Variants in CFAP61 observed in about 807,000 individuals in gnomAD.
CFAP61 encodes the protein cilia- and flagella-associated protein 61.
CFAP61 carries 107 observed loss-of-function variants against 135.6 expected under a neutral mutation model. That is an observed-to-expected ratio of 0.79 (90% CI 0.67 to 0.93). CFAP61 has a LOEUF of 0.93. CFAP61 is among the 40% of genes least tolerant of loss of function. The pLI, the probability that CFAP61 is intolerant of heterozygous loss-of-function variation, is 0.00. For missense variants in CFAP61, 1,507 were observed against 1,556.2 expected, an observed-to-expected ratio of 0.97 and a Z score of 0.53; for synonymous variants, 575 against 578.5, an observed-to-expected ratio of 0.99 and a Z score of 0.09.
At chr20:20,309,936 A>G (rs2056722832) in intron 25 of CFAP61, among the ~76,000 whole-genome samples, 1 of 152,206 alleles carries the variant, frequency 6.6e-6, no homozygotes, top group African/African-American at 2.4e-5. Flanking sequence ...CATGGCCTCA[A>G]CACACCATAA....
At chr20:20,143,067 A>G (rs2051550897) in intron 9 of CFAP61, 119 bp downstream of exon 9, 3 of 626,774 alleles carry the variant, frequency 4.8e-6, no homozygotes, top group African/African-American at 1.9e-5. Context: ...CCTGATGCAG[A>G]AAAGGCCTCA....
intron 25 of CFAP61, among the ~76,000 whole-genome samples, chr20:20,310,081 A>C (rs1415354342): frequency 3.3e-5 from 5 of 151,590 alleles, no homozygotes; most frequent in Non-Finnish European, 7.4e-5. Context: ...TGCAACCTCC[A>C]CCTCCCTGGT....
In CFAP61 at chr20:20,074,271, C is replaced by G. The variant is rs750107222; in HGVS notation, c.295-31C>G. ...TGACCTAGCCCGAATACTGACTCAG[C>G]CTTTAATCCGTGTTCTCTCTTCTTC... On this transcript the variant is annotated intron_variant, in intron 3 of 26. Coordinates refer to ENST00000245957, the MANE Select transcript of CFAP61 (RefSeq NM_015585.4). 2.3e-5 allele frequency: 36 copies of G among 1,597,998 alleles called. No individual in the cohort carries two copies. In the South Asian group the frequency reaches 4.0e-4, roughly 18 times the overall value.
intron 8 of CFAP61, among the ~76,000 whole-genome samples, chr20:20,111,852 A>G (rs909029665): frequency 1.3e-5 from 2 of 152,152 alleles, no homozygotes; most frequent in African/African-American, 2.4e-5. Context: ...ATTTAGTCCA[A>G]TGTAATTAAT....
At chr20:20,137,129 G>C (rs1202369915) in intron 8 of CFAP61, among the ~76,000 whole-genome samples, 1 of 152,138 alleles carries the variant, frequency 6.6e-6, no homozygotes, top group Non-Finnish European at 1.5e-5. Context: ...TCTCTGTGTT[G>C]AGCCACCTGA....
chr20:20,248,950 C>T lies in CFAP61; in HGVS notation c.2160-2645C>T, dbSNP rs190809374. On this transcript the variant is annotated intron_variant, in intron 19 of 26. Transcript: ENST00000245957. Reference sequence around the variant, plus strand: ...AGAACTTTCTATGAAGACAGTCTTTCACATTAGTTTTGAGTCACGGTCAAG... The same window carrying T: ...AGAACTTTCTATGAAGACAGTCTTTTACATTAGTTTTGAGTCACGGTCAAG... Among the ~76,000 whole-genome samples the T allele has an allele frequency of 1.9e-3, 292 of 152,266 alleles. 2 individuals are homozygous for T. Among genetic ancestry groups the T allele is most frequent in the African/African-American group, 6.9e-3 (286 of 41,558 alleles).
intron 8 of CFAP61, among the ~76,000 whole-genome samples, chr20:20,117,365 AAAATAAAT>A (rs61453815): frequency 2.6e-5 from 4 of 151,340 alleles, no homozygotes; most frequent in African/African-American, 4.9e-5. Flanking sequence ...TAATAAGTTA[AAAATAAAT>A]AAATAAATAA....
chr20:20,307,609 A>G (rs2056554456), intron 25 of CFAP61, among the ~76,000 whole-genome samples: 1 of 152,248 alleles, frequency 6.6e-6, no homozygotes, highest in East Asian at 1.9e-4. Flanking sequence ...AATAATTTAA[A>G]TGAGCAGATG....
chr20:20,304,271 A>ACT lies in CFAP61; in HGVS notation c.3422+5886_3422+5887dup, dbSNP rs1341519988. On this transcript the variant is annotated intron_variant, in intron 25 of 26. Transcript: ENST00000245957. Reference sequence around the variant, plus strand: ...AGACAGAACTAATCCACCATCGGTGACTGTGTGTGTGTGTGTGTGTGTGTG... The same window carrying ACT: ...AGACAGAACTAATCCACCATCGGTGACTCTGTGTGTGTGTGTGTGTGTGTGTG... 1.5e-4 allele frequency among the ~76,000 whole-genome samples: 6 copies of ACT among 38,910 alleles called. No homozygotes were observed. The South Asian group carries it at 3.3e-3, about 21-fold the overall frequency. 25.5% of individuals were successfully genotyped at this position (38,910 alleles called of 152,430 possible).
intron 20 of CFAP61, among the ~76,000 whole-genome samples, chr20:20,257,833 C>T (rs1435025336): frequency 6.6e-6 from 1 of 152,002 alleles, no homozygotes; most frequent in Non-Finnish European, 1.5e-5. Context: ...AGGGAGGTGG[C>T]AAGGGAGGAA....
At chr20:20,162,651 C>G (rs2053499556) in intron 10 of CFAP61, among the ~76,000 whole-genome samples, 1 of 152,138 alleles carries the variant, frequency 6.6e-6, no homozygotes, top group Non-Finnish European at 1.5e-5. Context: ...GCAATACAGG[C>G]AGGACGGCAG....
chr20:20,166,270 G>A, intron 11 of CFAP61, 127 bp from the exon 12 acceptor site: 2 of 707,634 alleles, frequency 2.8e-6, no homozygotes, highest in South Asian at 3.3e-5. Context: ...TGTTCACCTA[G>A]ACACACATTC....
rs565788033 is a variant in CFAP61, at chr20:20,289,696, C to T, written c.3125-604C>T. On this transcript the variant is annotated intron_variant, in intron 23 of 26. Transcript: ENST00000245957. ...CCTTGTCTTCCTCTTCCTAACTAGG[C>T]AGCCCCACAAGGTCTTGCTCTGCTT... is the stretch of plus-strand genomic sequence containing the variant. 2.5e-4 allele frequency among the ~76,000 whole-genome samples: 38 copies of T among 152,322 alleles called. 1 individual carries two copies. The highest frequency in any genetic ancestry group is 1.2e-3 in the South Asian group (6 of 4,822).
chr20:20,229,978 A>G (rs1283666681), intron 18 of CFAP61, among the ~76,000 whole-genome samples: 1 of 152,174 alleles, frequency 6.6e-6, no homozygotes, highest in African/African-American at 2.4e-5. Context: ...TTATGCAACC[A>G]TTTTCGAATG....
intron 18 of CFAP61, among the ~76,000 whole-genome samples, chr20:20,244,969 T>G (rs2050325259): frequency 6.6e-6 from 1 of 152,228 alleles, no homozygotes; most frequent in South Asian, 2.1e-4. Flanking sequence ...TGCTAAAACA[T>G]AACAAGTGCC....
At chr20:20,286,722 T>G (rs16981763) in intron 22 of CFAP61, among the ~76,000 whole-genome samples, 2,885 of 152,308 alleles carry the variant, frequency 0.019, 82 homozygotes, top group African/African-American at 0.066. Context: ...TTGGATTTGC[T>G]TATTCAGTTT....
chr20:20,262,457 AC>A (rs1236834017), intron 20 of CFAP61, among the ~76,000 whole-genome samples: 1 of 152,246 alleles, frequency 6.6e-6, no homozygotes, highest in African/African-American at 2.4e-5. Context: ...GCCAACATCA[AC>A]TGCAAGGCAA....
chr20:20,251,811 T>A (rs756388201), intron 20 of CFAP61, 48 bp downstream of exon 20: 1 of 1,586,276 alleles, frequency 6.3e-7, no homozygotes, highest in Non-Finnish European at 8.6e-7. Flanking sequence ...GAGAGCTCCA[T>A]GAAAGCCATT....
At chr20:20,132,400 C>G (rs1449957924) in intron 8 of CFAP61, among the ~76,000 whole-genome samples, 2 of 151,922 alleles carry the variant, frequency 1.3e-5, no homozygotes, top group African/African-American at 4.8e-5. Flanking sequence ...AGAGAACCTA[C>G]TCTGTGTGTT....
Sources: allele counts gnomAD v4.1 joint callset (sites outside exome capture counted in the v4.1 genomes callset), GRCh38; gene constraint gnomAD v4.1.1; transcripts MANE v1.5; gene names NCBI Gene and HGNC (gene_info 2026-07-23, HGNC 2026-07-21).